The following COG5 variants were observed in gnomAD, a reference collection of about 807,000 sequenced individuals.
The protein encoded by COG5 is conserved oligomeric Golgi complex subunit 5.
COG5 carries 86 observed loss-of-function variants against 110.4 expected under a neutral mutation model. The observed-to-expected ratio is 0.78, with a 90% CI of 0.65 to 0.93. COG5 has a LOEUF of 0.93. COG5 is among the 40% of genes least tolerant of loss of function. COG5 has a pLI of 0.00. For missense variants in COG5, 1,077 were observed against 987.0 expected, an observed-to-expected ratio of 1.09 and a Z score of -1.22; for synonymous variants, 360 against 334.6, an observed-to-expected ratio of 1.08 and a Z score of -0.83.
In COG5 at chr7:107,298,260, ATT is replaced by A; in HGVS notation, c.1193_1194del (p.Gln398LeufsTer10). 1 of 1,613,392 alleles carries A rather than the reference ATT, an allele frequency of 6.2e-7. No homozygotes were observed. Among genetic ancestry groups the A allele is most frequent in the Non-Finnish European group, 8.5e-7 (1 of 1,179,472 alleles). ...AAATTCCCTTGGATATGCTGACTGT[ATT>A]GTTGAAGACGCTTCCATAAGTCATT... The part of the protein sequence containing the change: ...LYNDLWKRLQ[Q>X]YSQHIQGNFN... On this transcript the variant is annotated frameshift_variant, in exon 12 of 22. Transcript: ENST00000297135. LOFTEE classifies it high-confidence loss of function.
At chr7:107,487,103 C>A (rs182370431) in intron 6 of COG5, among the ~76,000 whole-genome samples, 5 of 152,046 alleles carry the variant, frequency 3.3e-5, no homozygotes, top group Non-Finnish European at 7.4e-5. Flanking sequence ...TATAAAACTT[C>A]TAAAATTAAA....
chr7:107,448,776 T>A (rs1234939412), intron 6 of COG5, among the ~76,000 whole-genome samples: 1 of 152,128 alleles, frequency 6.6e-6, no homozygotes, highest in Non-Finnish European at 1.5e-5. Flanking sequence ...AATAAATACA[T>A]TGGAAATTTT....
chr7:107,246,854 C>A (rs1221054351), intron 17 of COG5, among the ~76,000 whole-genome samples: 1 of 152,180 alleles, frequency 6.6e-6, no homozygotes, highest in Non-Finnish European at 1.5e-5. Flanking sequence ...TTTGACCCAG[C>A]AATCCCATTA....
chr7:107,379,443 G>C (rs1052851884), intron 7 of COG5, among the ~76,000 whole-genome samples: 5 of 151,994 alleles, frequency 3.3e-5, no homozygotes, highest in African/African-American at 1.2e-4. Context: ...AAAGTAAATG[G>C]GCTAAATGCC....
intron 14 of COG5, 130 bp from the exon 15 acceptor site, chr7:107,258,513 G>A: frequency 1.4e-6 from 1 of 704,240 alleles, no homozygotes; most frequent in Admixed American, 2.0e-5. Flanking sequence ...ATGCCCCTCT[G>A]ACAAAGAGAA....
chr7:107,461,556 C>T (rs1204435192), intron 6 of COG5, among the ~76,000 whole-genome samples: 2 of 152,128 alleles, frequency 1.3e-5, no homozygotes, highest in Non-Finnish European at 2.9e-5. Context: ...CTCAATATTA[C>T]TTGTGGTCTT....
At chr7:107,253,990 C>T (rs1215002527) in intron 16 of COG5, among the ~76,000 whole-genome samples, 4 of 152,248 alleles carry the variant, frequency 2.6e-5, no homozygotes, top group Non-Finnish European at 5.9e-5. Flanking sequence ...CTTATCACCA[C>T]TGGGCTCCTC....
At chr7:107,406,342 CTGATT>C (rs879642054) in intron 7 of COG5, among the ~76,000 whole-genome samples, 4 of 152,140 alleles carry the variant, frequency 2.6e-5, no homozygotes, top group Non-Finnish European at 1.5e-5. Context: ...TCTTTTTAAT[CTGATT>C]TATTAGAAAT....
intron 7 of COG5, among the ~76,000 whole-genome samples, chr7:107,383,783 G>A (rs1249625902): frequency 1.3e-5 from 2 of 152,162 alleles, no homozygotes; most frequent in Non-Finnish European, 2.9e-5. Flanking sequence ...GCCATTAAAA[G>A]ATGCCTTCTT....
intron 21 of COG5, among the ~76,000 whole-genome samples, chr7:107,206,277 G>A (rs886383297): frequency 1.3e-5 from 2 of 152,088 alleles, no homozygotes; most frequent in African/African-American, 4.8e-5. Flanking sequence ...TAAATAACAT[G>A]TAAGTTCATA....
At chr7:107,530,314 T>C (rs1409339124) in intron 5 of COG5, among the ~76,000 whole-genome samples, 1 of 152,034 alleles carries the variant, frequency 6.6e-6, no homozygotes, top group Non-Finnish European at 1.5e-5. Context: ...AAAAATGCAG[T>C]TTTTGGGCCG....
chr7:107,536,634 C>T (rs2129165020), intron 5 of COG5, among the ~76,000 whole-genome samples: 1 of 152,310 alleles, frequency 6.6e-6, no homozygotes, highest in South Asian at 2.1e-4. Flanking sequence ...AATGGAAAAA[C>T]ATTCCATGCT....
intron 6 of COG5, among the ~76,000 whole-genome samples, chr7:107,419,174 T>C (rs995847675): frequency 6.6e-6 from 1 of 152,118 alleles, no homozygotes; most frequent in Non-Finnish European, 1.5e-5. Context: ...TAAAATAAAA[T>C]TATAAGGCAA....
intron 10 of COG5, among the ~76,000 whole-genome samples, chr7:107,349,892 ATGT>A (rs1811986341): frequency 6.6e-6 from 1 of 151,982 alleles, no homozygotes; most frequent in Admixed American, 6.6e-5. Context: ...GGGTTTCACC[ATGT>A]TGGCCAGGCT....
chr7:107,264,421 G>A (rs576825069), intron 14 of COG5, among the ~76,000 whole-genome samples: 11 of 152,038 alleles, frequency 7.2e-5, no homozygotes, highest in Non-Finnish European at 1.5e-4. Flanking sequence ...AGCAGGCCAC[G>A]GTGGCTCATA....
At chr7:107,309,302 C>T (rs1808008091) in intron 11 of COG5, among the ~76,000 whole-genome samples, 1 of 152,026 alleles carries the variant, frequency 6.6e-6, no homozygotes, top group Admixed American at 6.5e-5. Flanking sequence ...CATGTAAGTC[C>T]ATTTTTAAAA....
At chr7:107,399,957 G>A (rs948749498) in intron 7 of COG5, among the ~76,000 whole-genome samples, 1 of 152,060 alleles carries the variant, frequency 6.6e-6, no homozygotes, top group Non-Finnish European at 1.5e-5. Context: ...CTCAACTACG[G>A]ATGTGGAAAT....
intron 6 of COG5, among the ~76,000 whole-genome samples, chr7:107,506,517 G>C (rs1799018184): frequency 6.6e-6 from 1 of 152,272 alleles, no homozygotes; most frequent in South Asian, 2.1e-4. Context: ...GTTCCAGAGA[G>C]GTGTATTAAC....
rs1340750078 is a variant in COG5, at chr7:107,283,681, T to C, written c.1365A>G (p.Leu455=). Residue 455 remains leucine (L), a synonymous_variant, in exon 13 of 22, where the codon CTA becomes CTG. Transcript: ENST00000297135. ...CGAAGAGTCGAGATAAGGATTTTGA[T>C]AGATAAGCAGCCTCATAGGGTTGTA... ...DSLQPYEAAY[L]SKSLSRLFDP... The C allele has an allele frequency of 2.5e-6, 4 of 1,613,908 alleles. No homozygotes were observed. Among genetic ancestry groups the C allele is most frequent in the Admixed American group, 1.7e-5 (1 of 60,000 alleles).
Sources: allele counts gnomAD v4.1 joint callset (sites outside exome capture counted in the v4.1 genomes callset), GRCh38; gene constraint gnomAD v4.1.1; transcripts MANE v1.5; gene names NCBI Gene and HGNC (gene_info 2026-07-23, HGNC 2026-07-21).